NOMO1: variants seen among roughly 807,000 people sequenced by gnomAD.
NOMO1 encodes nodal modulator 3.
Under a neutral mutation model 133.8 loss-of-function variants are expected in NOMO1, and 40 were observed. That is an observed-to-expected ratio of 0.30 (90% confidence interval 0.23 to 0.39). The LOEUF (loss-of-function observed/expected upper bound fraction) is 0.39. Among genes scored for constraint, NOMO1 ranks in the 10% least tolerant of loss-of-function variants. NOMO1 has a pLI of 1.00. For synonymous variants in NOMO1, 236 were observed against 570.5 expected (o/e 0.41, Z 8.36); for missense variants, 462 against 1,419.9 (o/e 0.33, Z 10.84).
chr16:14,880,923 C>G (rs1285956612), intron 24 of NOMO1, among the ~76,000 whole-genome samples: 4 of 150,728 alleles, frequency 2.7e-5, no homozygotes, highest in African/African-American at 9.8e-5. Context: ...GTGGCTCACA[C>G]CTATAATCCC....
At chr16:14,855,448 A>G (rs907578110) in intron 9 of NOMO1, among the ~76,000 whole-genome samples, 1 of 151,832 alleles carries the variant, frequency 6.6e-6, no homozygotes, top group African/African-American at 2.4e-5. Flanking sequence ...TATCGAAGCA[A>G]TTATATTTTA....
chr16:14,882,825 A>T, intron 26 of NOMO1, 148 bp downstream of exon 26: 1 of 1,513,160 alleles, frequency 6.6e-7, no homozygotes, highest in Non-Finnish European at 9.0e-7. Flanking sequence ...TGTCATCTTC[A>T]CAAGCAGCAT....
intron 6 of NOMO1, among the ~76,000 whole-genome samples, chr16:14,851,259 C>T (rs1209474064): frequency 3.3e-5 from 5 of 151,896 alleles, no homozygotes; most frequent in East Asian, 3.9e-4. Context: ...AATGTTTATC[C>T]TCCTGGGGTG....
intron 3 of NOMO1, among the ~76,000 whole-genome samples, chr16:14,843,632 G>A (rs1469237808): frequency 1.3e-5 from 2 of 151,654 alleles, no homozygotes; most frequent in Non-Finnish European, 2.9e-5. Flanking sequence ...CCACTTTTTT[G>A]TATGTTTATG....
At chr16:14,875,870 A>C (rs1266839635) in intron 20 of NOMO1, among the ~76,000 whole-genome samples, 1 of 151,306 alleles carries the variant, frequency 6.6e-6, no homozygotes, top group African/African-American at 2.4e-5. Context: ...TCACTTGTGG[A>C]GTATTTGTCT....
intron 11 of NOMO1, among the ~76,000 whole-genome samples, chr16:14,860,200 G>A (rs1170740134): frequency 6.6e-6 from 1 of 151,868 alleles, no homozygotes; most frequent in Non-Finnish European, 1.5e-5. Context: ...AACCCGGTCT[G>A]TACTAAAGAT....
chr16:14,873,822 A>C (rs1964113460), intron 18 of NOMO1, among the ~76,000 whole-genome samples: 1 of 151,578 alleles, frequency 6.6e-6, no homozygotes, highest in Non-Finnish European at 1.5e-5. Context: ...GCAGACCCAA[A>C]ACCCGACTGC....
intron 5 of NOMO1, 123 bp downstream of exon 5, chr16:14,846,806 G>C: frequency 1.3e-6 from 2 of 1,589,236 alleles, no homozygotes; most frequent in Non-Finnish European, 1.7e-6. Flanking sequence ...GCCTCTTTGG[G>C]TGAGTTCATG....
At chr16:14,883,002 T>C (rs1254298103) in intron 26 of NOMO1, among the ~76,000 whole-genome samples, 1 of 152,084 alleles carries the variant, frequency 6.6e-6, no homozygotes, top group Non-Finnish European at 1.5e-5. Flanking sequence ...TAATAGAACA[T>C]GGGCTTAATG....
intron 20 of NOMO1, 22 bp from the exon 21 acceptor site, chr16:14,876,337 T>C: frequency 6.2e-7 from 1 of 1,610,602 alleles, no homozygotes; most frequent in Non-Finnish European, 8.5e-7. Flanking sequence ...CCCATCCTTG[T>C]GTTTATTTCT....
Position 14,868,645 on chromosome 16 carries a change from G to A in NOMO1, c.1894+10G>A. The A allele has an allele frequency of 1.3e-6, 2 of 1,556,052 alleles. No homozygotes were observed. The highest frequency in any genetic ancestry group is 4.5e-5 in the East Asian group (2 of 44,440). On this transcript the variant is annotated intron_variant, in intron 16 of 30. Transcript: ENST00000287667. The stretch of plus-strand genomic sequence containing the variant: ...TGCCTGTCCAAGCCTGGTAAGTTTG[G>A]AAGGATTGATGTGCCATGAATTAGA...
Position 14,875,072 on chromosome 16 carries a change from C to T in NOMO1, c.2091C>T (p.Gly697=). Residue 697 remains glycine (G), a synonymous_variant, in exon 19 of 31, where the codon GGC becomes GGT. Coordinates refer to ENST00000287667, the MANE Select transcript of NOMO1 (RefSeq NM_014287.4). ...ACAGTGAACCCGCCTTGGTCTTAGGCCCTCTGAAGTCTGTGCAGGAGCTGC... is the reference window on the plus strand; with the variant it reads ...ACAGTGAACCCGCCTTGGTCTTAGGTCCTCTGAAGTCTGTGCAGGAGCTGC... The part of the protein sequence containing the change: ...SIDSEPALVL[G]PLKSVQELRR... 1.2e-6 allele frequency: 2 copies of T among 1,613,782 alleles called. No individual in the cohort carries two copies. Among genetic ancestry groups the T allele is most frequent in the Non-Finnish European group, 1.7e-6 (2 of 1,179,830 alleles).
In NOMO1 at chr16:14,889,322, A is replaced by G. The variant is rs909865175; in HGVS notation, c.3444+107A>G. The G allele has an allele frequency of 2.9e-4, 470 of 1,606,936 alleles. 6 individuals are homozygous for G. In the African/African-American group the frequency reaches 3.5e-3, roughly 12 times the overall value. ...CAAGGCTGGTGGATCTCTTGAGCCC[A>G]GGAGTTTCAGACCAGCCTAGGCAAT... On this transcript the variant is annotated intron_variant, in intron 29 of 30. Transcript: ENST00000287667.
At chr16:14,843,447 G>GTT (rs1338377130) in intron 3 of NOMO1, among the ~76,000 whole-genome samples, 1 of 151,910 alleles carries the variant, frequency 6.6e-6, no homozygotes, top group Non-Finnish European at 1.5e-5. Context: ...AACATCCAAA[G>GTT]TGGATGCACC....
intron 29 of NOMO1, among the ~76,000 whole-genome samples, chr16:14,893,513 C>T (rs1014480990): frequency 2.0e-5 from 3 of 151,988 alleles, no homozygotes; most frequent in Admixed American, 2.0e-4. Context: ...TAAGTGTTTA[C>T]TTCAGTGGAA....
intron 2 of NOMO1, among the ~76,000 whole-genome samples, chr16:14,839,908 A>AT (rs1468522133): frequency 8.8e-5 from 13 of 147,558 alleles, no homozygotes; most frequent in Non-Finnish European, 1.1e-4. Flanking sequence ...TGCCCAGCTA[A>AT]TTTTTTTTGT....
chr16:14,837,357 T>A (rs1254523801), intron 1 of NOMO1, among the ~76,000 whole-genome samples: 3 of 152,090 alleles, frequency 2.0e-5, no homozygotes, highest in Non-Finnish European at 4.4e-5. Flanking sequence ...GTGCTTAATA[T>A]GCATTGATGT....
chr16:14,846,325 C>T (rs1043255686), intron 4 of NOMO1, among the ~76,000 whole-genome samples: 3 of 150,894 alleles, frequency 2.0e-5, no homozygotes, highest in Non-Finnish European at 4.4e-5. Context: ...CCACACCCGC[C>T]CAGACCAATA....
intron 2 of NOMO1, among the ~76,000 whole-genome samples, chr16:14,839,740 C>T (rs1159023035): frequency 6.6e-6 from 1 of 151,322 alleles, no homozygotes; most frequent in East Asian, 1.9e-4. Context: ...GATCTACTGA[C>T]TTTTTTTTCT....
Sources: allele counts gnomAD v4.1 joint callset (sites outside exome capture counted in the v4.1 genomes callset), GRCh38; gene constraint gnomAD v4.1.1; transcripts MANE v1.5; gene names NCBI Gene and HGNC (gene_info 2026-07-23, HGNC 2026-07-21).